The following CSTA variants were observed in gnomAD, a reference collection of about 807,000 sequenced individuals.
The protein encoded by CSTA is cystatin A.
In CSTA, 9 loss-of-function variants were observed where a neutral mutation model predicts 9.2. The ratio of observed to expected loss-of-function variants is 0.97; its 90% CI spans 0.59 to 1.70. The LOEUF (loss-of-function observed/expected upper bound fraction) is 1.70, where lower values mean the gene tolerates loss of function less well. Among genes scored for constraint, CSTA ranks in the 40% most tolerant of loss-of-function variants. The probability of loss-of-function intolerance (pLI) is 0.00; values close to 1 mark genes in which losing one functional copy is unlikely to be tolerated. For missense variants in CSTA, 118 were observed against 113.1 expected (o/e 1.04, Z -0.20); for synonymous variants, 36 against 40.6 (o/e 0.89, Z 0.43).
intron 1 of CSTA, among the ~76,000 whole-genome samples, chr3:122,335,049 A>C (rs977042763): frequency 6.6e-6 from 1 of 152,224 alleles, no homozygotes; most frequent in Non-Finnish European, 1.5e-5. Context: ...AACTGAGTCA[A>C]GAGCTCATAG....
intron 1 of CSTA, 88 bp from the exon 2 acceptor site, chr3:122,337,459 T>C (rs2075242334): frequency 3.6e-6 from 3 of 839,090 alleles, no homozygotes; most frequent in Admixed American, 2.0e-5. Flanking sequence ...TGAAGACTTT[T>C]AGGAGGATGA....
intron 1 of CSTA, among the ~76,000 whole-genome samples, chr3:122,329,961 A>G (rs777072856): frequency 6.6e-6 from 1 of 152,210 alleles, no homozygotes; most frequent in Non-Finnish European, 1.5e-5. Context: ...ACAATTTCCA[A>G]TTCAGTGTTA....
intron 1 of CSTA, 89 bp downstream of exon 1, chr3:122,325,447 C>A: frequency 7.7e-7 from 1 of 1,293,484 alleles, no homozygotes; most frequent in South Asian, 1.2e-5. Flanking sequence ...AACATGAAAA[C>A]CAGAAGTTTA....
intron 1 of CSTA, among the ~76,000 whole-genome samples, chr3:122,329,797 A>G (rs17265703): frequency 0.12 from 18,424 of 152,278 alleles, 1,406 homozygotes; most frequent in Middle Eastern, 0.27. Flanking sequence ...TTTTTTTATA[A>G]TCACAGGTTT....
At chr3:122,329,449 C>T (rs2075190992) in intron 1 of CSTA, among the ~76,000 whole-genome samples, 1 of 152,084 alleles carries the variant, frequency 6.6e-6, no homozygotes, top group South Asian at 2.1e-4. Flanking sequence ...GCCTGTAGTC[C>T]CAGCTACTTG....
intron 1 of CSTA, among the ~76,000 whole-genome samples, chr3:122,334,165 C>G (rs931230067): frequency 1.3e-5 from 2 of 152,182 alleles, no homozygotes; most frequent in African/African-American, 4.8e-5. Flanking sequence ...TTGTCTTCTC[C>G]CTTTCTCCAC....
intron 1 of CSTA, among the ~76,000 whole-genome samples, chr3:122,333,688 AAGAG>A (rs1331045831): frequency 1.4e-4 from 20 of 142,000 alleles, no homozygotes; most frequent in Admixed American, 3.6e-4. Context: ...AGAAGAAAGA[AAGAG>A]AGAGAGAAAG....
chr3:122,333,732 A>G (rs55998334), intron 1 of CSTA, among the ~76,000 whole-genome samples: 91,552 of 135,878 alleles, frequency 0.67, 28,580 homozygotes, highest in Non-Finnish European at 0.72. Context: ...GAAAGAAAGA[A>G]AGAGAAAGAA....
At chr3:122,328,464 C>A (rs559909731) in intron 1 of CSTA, among the ~76,000 whole-genome samples, 1 of 142,858 alleles carries the variant, frequency 7.0e-6, no homozygotes, top group East Asian at 2.1e-4. Flanking sequence ...CATGACATTG[C>A]ACTCCAGCCT....
intron 1 of CSTA, among the ~76,000 whole-genome samples, chr3:122,327,379 A>C (rs925004789): frequency 2.2e-4 from 33 of 151,702 alleles, no homozygotes; most frequent in African/African-American, 8.0e-4. Context: ...AAATACAAAA[A>C]TCAGCTTGGC....
chr3:122,336,219 G>A (rs922717576), intron 1 of CSTA, among the ~76,000 whole-genome samples: 1 of 152,020 alleles, frequency 6.6e-6, no homozygotes, highest in Non-Finnish European at 1.5e-5. Flanking sequence ...AAAGGAGCAG[G>A]GACTCCTTGG....
intron 2 of CSTA, among the ~76,000 whole-genome samples, chr3:122,339,391 A>G (rs1251923242): frequency 6.6e-6 from 1 of 152,250 alleles, no homozygotes; most frequent in Non-Finnish European, 1.5e-5. Context: ...TGAGATAAGT[A>G]CAATCACTTC....
chr3:122,341,593 T>C lies in CSTA; in HGVS notation c.*26T>C, dbSNP rs745985845. Reference sequence around the variant, plus strand: ...CAGCATGTACCCAAAGTGTTCTGATTCCTTCAACTGGCTACTGAGTCATGA... The same window carrying C: ...CAGCATGTACCCAAAGTGTTCTGATCCCTTCAACTGGCTACTGAGTCATGA... On this transcript the variant is annotated 3_prime_UTR_variant, in exon 3 of 3. Coordinates refer to ENST00000264474, the MANE Select transcript of CSTA (RefSeq NM_005213.4). 15 of 1,613,850 alleles carry C rather than the reference T, an allele frequency of 9.3e-6. No individual in the cohort carries two copies. The highest frequency in any genetic ancestry group is 1.6e-4 in the Middle Eastern group (1 of 6,082).
chr3:122,326,900 G>C (rs2075173975), intron 1 of CSTA, among the ~76,000 whole-genome samples: 1 of 152,176 alleles, frequency 6.6e-6, no homozygotes, highest in South Asian at 2.1e-4. Context: ...GGCAGGACCA[G>C]AGATATATGG....
At chr3:122,338,501 A>C (rs1485560877) in intron 2 of CSTA, among the ~76,000 whole-genome samples, 2 of 5,062 alleles carry the variant, frequency 4.0e-4, no homozygotes, top group Non-Finnish European at 1.5e-3. Flanking sequence ...TTTTTCAGCA[A>C]AAAAAAAAAA....
At chr3:122,325,489 C>T in intron 1 of CSTA, 131 bp downstream of exon 1, 1 of 854,960 alleles carries the variant, frequency 1.2e-6, no homozygotes, top group Non-Finnish European at 1.9e-6. Flanking sequence ...GGTTTCTTTA[C>T]AACTAAGATG....
chr3:122,335,128 G>A (rs2075229161), intron 1 of CSTA, among the ~76,000 whole-genome samples: 1 of 152,208 alleles, frequency 6.6e-6, no homozygotes, highest in African/African-American at 2.4e-5. Context: ...GATGGGCTCA[G>A]TAAAAGTTTA....
chr3:122,336,075 C>T (rs919068637), intron 1 of CSTA, among the ~76,000 whole-genome samples: 2 of 151,876 alleles, frequency 1.3e-5, no homozygotes, highest in South Asian at 2.1e-4. Context: ...TACACAAATG[C>T]GTAAAGATGT....
At position 122,336,409 on chromosome 3, in the gene CSTA, C is replaced by T. The variant is rs577774795; in HGVS notation, c.67-1138C>T. On this transcript the variant is annotated intron_variant, in intron 1 of 2. Coordinates refer to ENST00000264474, the MANE Select transcript of CSTA (RefSeq NM_005213.4). ...GGCCAAATCTAGGGCATTTGAGTAA[C>T]AAAATAGAGTAATGAATTGTAATCC... Among the ~76,000 whole-genome samples the T allele has an allele frequency of 4.7e-4, 71 of 151,974 alleles. No homozygotes were observed. The South Asian group carries it at 5.6e-3, about 12-fold the overall frequency.
Sources: gnomAD v4.1 joint callset for allele counts (sites outside exome capture counted in the v4.1 genomes callset) on GRCh38, gnomAD v4.1.1 for gene constraint, MANE v1.5 for transcripts, NCBI Gene and HGNC (gene_info 2026-07-23, HGNC 2026-07-21) for gene names.